The following ACAP2 variants were observed in gnomAD, a reference collection of about 807,000 sequenced individuals.
ACAP2 encodes arf-GAP with coiled-coil, ANK repeat and PH domain-containing protein 2.
ACAP2 carries 39 observed loss-of-function variants against 115.8 expected under a neutral mutation model. That is an observed-to-expected ratio of 0.34 (90% CI 0.26 to 0.44). The LOEUF is 0.44. Among genes scored for constraint, ACAP2 ranks in the 20% least tolerant of loss-of-function variants. ACAP2 has a pLI of 1.00. For missense variants in ACAP2, 662 were observed against 927.6 expected (o/e 0.71, Z 3.72); for synonymous variants, 289 against 315.8 (o/e 0.92, Z 0.90).
chr3:195,354,197 AT>A (rs1731798421), intron 4 of ACAP2, among the ~76,000 whole-genome samples: 1 of 152,224 alleles, frequency 6.6e-6, no homozygotes, highest in South Asian at 2.1e-4. Flanking sequence ...GCTGCATAGT[AT>A]TCCATAGTGT....
At chr3:195,321,801 C>T (rs1729473760) in intron 9 of ACAP2, among the ~76,000 whole-genome samples, 1 of 151,606 alleles carries the variant, frequency 6.6e-6, no homozygotes, top group African/African-American at 2.4e-5. Flanking sequence ...TTAGTAGAGA[C>T]AGGATTTCAC....
chr3:195,336,820 A>G (rs1730537564), intron 7 of ACAP2, 112 bp downstream of exon 7: 2 of 836,932 alleles, frequency 2.4e-6, no homozygotes, highest in Non-Finnish European at 3.8e-6. Flanking sequence ...ATCAAAAAGA[A>G]GAGCAATTAT....
chr3:195,366,214 C>T (rs1278642505), intron 4 of ACAP2, among the ~76,000 whole-genome samples: 1 of 152,112 alleles, frequency 6.6e-6, no homozygotes, highest in Non-Finnish European at 1.5e-5. Flanking sequence ...TCTCCACTGG[C>T]TTAGTGTTGT....
At chr3:195,337,251 A>G (rs914338476) in intron 6 of ACAP2, among the ~76,000 whole-genome samples, 1 of 152,138 alleles carries the variant, frequency 6.6e-6, no homozygotes, top group Non-Finnish European at 1.5e-5. Flanking sequence ...AGCTCTGGGA[A>G]TTCCATCTTT....
chr3:195,354,280 G>C lies in ACAP2; in HGVS notation c.286-8963C>G, dbSNP rs2108678743. 2.0e-5 allele frequency among the ~76,000 whole-genome samples: 3 copies of C among 152,266 alleles called. No individual in the cohort carries two copies. The Middle Eastern group carries it at 0.01, about 518-fold the overall frequency. ...TTTAGGTTGATTCCACGTCTTTGCT[G>C]TTGTGAATAGTGCTGCAATGAACAT... is the stretch of plus-strand genomic sequence containing the variant. On this transcript the variant is annotated intron_variant, in intron 4 of 22. Coordinates refer to ENST00000326793, the MANE Select transcript of ACAP2 (RefSeq NM_012287.6).
chr3:195,290,675 T>C (rs996974052), intron 20 of ACAP2, among the ~76,000 whole-genome samples: 3 of 151,924 alleles, frequency 2.0e-5, no homozygotes, highest in Non-Finnish European at 4.4e-5. Context: ...TAGCCAGGCA[T>C]GGTGGTGCAC....
chr3:195,442,884 A>C lies in ACAP2; in HGVS notation c.-37T>G. The C allele has an allele frequency of 6.7e-7, 1 of 1,501,750 alleles. No homozygotes were observed. Among genetic ancestry groups the C allele is most frequent in the Non-Finnish European group, 8.9e-7 (1 of 1,126,250 alleles). 93.0% of individuals were successfully genotyped at this position (1,501,750 alleles called of 1,614,324 possible). A position where few individuals can be genotyped will look rare whatever the true frequency, so the allele number is the denominator to read the frequency against. On this transcript the variant is annotated 5_prime_UTR_variant, in exon 1 of 23. Coordinates refer to ENST00000326793, the MANE Select transcript of ACAP2 (RefSeq NM_012287.6). ...CTCGCAGGCGGCGCTGGCAAAGCCG[A>C]GGGGGCCGCGGGAGCGGCCGCGCTG...
intron 22 of ACAP2, among the ~76,000 whole-genome samples, chr3:195,281,872 A>T (rs1726532824): frequency 2.0e-5 from 3 of 152,368 alleles, no homozygotes; most frequent in African/African-American, 7.2e-5. Context: ...TAAACATTAT[A>T]AATATTTTTA....
chr3:195,300,892 C>A (rs1473028946), intron 15 of ACAP2, among the ~76,000 whole-genome samples: 1 of 152,010 alleles, frequency 6.6e-6, no homozygotes, highest in African/African-American at 2.4e-5. Context: ...TGGCATGCAT[C>A]TGTGGTGTCA....
intron 2 of ACAP2, among the ~76,000 whole-genome samples, chr3:195,386,463 T>C (rs1734308248): frequency 6.6e-6 from 1 of 152,134 alleles, no homozygotes; most frequent in South Asian, 2.1e-4. Flanking sequence ...TGAGCAGCCA[T>C]AAAAAAGAAT....
intron 4 of ACAP2, among the ~76,000 whole-genome samples, chr3:195,366,397 G>T (rs961614750): frequency 2.0e-5 from 3 of 152,006 alleles, no homozygotes; most frequent in Non-Finnish European, 2.9e-5. Flanking sequence ...AAATAACTTG[G>T]GCAACTTTTA....
At chr3:195,288,489 G>A (rs1726997343) in intron 21 of ACAP2, among the ~76,000 whole-genome samples, 1 of 152,120 alleles carries the variant, frequency 6.6e-6, no homozygotes, top group South Asian at 2.1e-4. Flanking sequence ...CCTTCTCTGT[G>A]GGTTCAACCA....
chr3:195,377,334 C>T lies in ACAP2; in HGVS notation c.285+3675G>A, dbSNP rs566470195. ...TAATTTTTCTATTTCTTGTAGAGAC[C>T]GAGTTTCGCCATGTTGCCCAGGCTG... is the stretch of plus-strand genomic sequence containing the variant. On this transcript the variant is annotated intron_variant, in intron 4 of 22. Coordinates refer to ENST00000326793, the MANE Select transcript of ACAP2 (RefSeq NM_012287.6). 9.2e-4 allele frequency among the ~76,000 whole-genome samples: 139 copies of T among 151,474 alleles called. 1 individual carries two copies. The highest frequency in any genetic ancestry group is 2.5e-3 in the Admixed American group (38 of 15,190).
chr3:195,304,163 C>CAAAAAAAAA (rs56055597), intron 13 of ACAP2, among the ~76,000 whole-genome samples: 8 of 63,274 alleles, frequency 1.3e-4, no homozygotes, highest in East Asian at 9.5e-4. Flanking sequence ...GACTCCATCT[C>CAAAAAAAAA]AAAAAAAAAA....
chr3:195,434,350 A>G (rs751541802), intron 1 of ACAP2, among the ~76,000 whole-genome samples: 31 of 152,180 alleles, frequency 2.0e-4, no homozygotes, highest in Non-Finnish European at 4.1e-4. Flanking sequence ...CTCCCATCTC[A>G]GCCTCTCAAG....
intron 1 of ACAP2, among the ~76,000 whole-genome samples, chr3:195,439,605 T>C (rs1250334629): frequency 1.3e-5 from 2 of 151,978 alleles, no homozygotes; most frequent in Admixed American, 6.6e-5. Flanking sequence ...TAAAACAGAA[T>C]ACATTTTGGG....
chr3:195,328,850 T>G (rs938101503), intron 8 of ACAP2, among the ~76,000 whole-genome samples: 8 of 152,136 alleles, frequency 5.3e-5, no homozygotes, highest in South Asian at 2.1e-4. Flanking sequence ...GAGGCCGAGA[T>G]GGGCGAATCA....
At chr3:195,311,121 G>C (rs1432243487) in intron 10 of ACAP2, among the ~76,000 whole-genome samples, 1 of 129,918 alleles carries the variant, frequency 7.7e-6, no homozygotes, top group South Asian at 2.6e-4. Context: ...TTTTGAAGCA[G>C]AGTCTCACTC....
At position 195,354,729 on chromosome 3, in the gene ACAP2, C is replaced by T. The variant is rs143442665; in HGVS notation, c.286-9412G>A. ...TTGCAGTTGCTCTTAGCAACTTCATCGTGAACTCTTGGCCCATACATATAT... is the reference window on the plus strand; with the variant it reads ...TTGCAGTTGCTCTTAGCAACTTCATTGTGAACTCTTGGCCCATACATATAT... On this transcript the variant is annotated intron_variant, in intron 4 of 22. Transcript: ENST00000326793. Among the ~76,000 whole-genome samples the T allele has an allele frequency of 1.2e-4, 19 of 152,286 alleles. No homozygotes were observed. In the East Asian group the frequency reaches 3.7e-3, roughly 29 times the overall value.
Sources: allele counts gnomAD v4.1 joint callset (sites outside exome capture counted in the v4.1 genomes callset), GRCh38; gene constraint gnomAD v4.1.1; transcripts MANE v1.5; gene names NCBI Gene and HGNC (gene_info 2026-07-23, HGNC 2026-07-21).